Variants in FRMD4A observed in about 807,000 individuals in gnomAD.
The protein encoded by FRMD4A is FERM domain containing 4A, also known as FERM domain-containing protein 4A.
A neutral mutation model predicts 129.1 loss-of-function variants in FRMD4A; 29 were observed. The observed-to-expected ratio is 0.22, with a 90% CI of 0.17 to 0.31. The LOEUF (loss-of-function observed/expected upper bound fraction) is 0.31, where lower values mean the gene tolerates loss of function less well. Ranked by LOEUF, FRMD4A falls within the 10% of genes least tolerant of loss-of-function variation. The pLI is 1.00. For missense variants in FRMD4A, 1,272 were observed against 1,375.8 expected (o/e 0.92, Z 1.19); for synonymous variants, 634 against 571.6 (o/e 1.11, Z -1.56).
chr10:13,761,874 G>A (rs2092088077), intron 7 of FRMD4A, among the ~76,000 whole-genome samples: 1 of 152,174 alleles, frequency 6.6e-6, no homozygotes, highest in African/African-American at 2.4e-5. Context: ...CTAAACTCTA[G>A]AAACTTATAT....
chr10:14,224,791 C>T (rs1398888011), intron 2 of FRMD4A, among the ~76,000 whole-genome samples: 1 of 152,186 alleles, frequency 6.6e-6, no homozygotes, highest in Non-Finnish European at 1.5e-5. Context: ...AATTTCATTT[C>T]ACTGGCCTGA....
At chr10:13,762,503 TA>T (rs1564758690) in intron 7 of FRMD4A, 120 bp downstream of exon 7, 16 of 643,194 alleles carry the variant, frequency 2.5e-5, no homozygotes, top group South Asian at 3.9e-5. Flanking sequence ...AGCTTGTGGC[TA>T]AAAAAAGGTA....
intron 2 of FRMD4A, among the ~76,000 whole-genome samples, chr10:14,232,820 T>C (rs939551036): frequency 6.6e-6 from 1 of 152,246 alleles, no homozygotes. Context: ...TAAAAGCCTT[T>C]GGGCAGAGAC....
intron 6 of FRMD4A, among the ~76,000 whole-genome samples, chr10:13,779,319 G>GA (rs36067710): frequency 3.6e-4 from 52 of 144,832 alleles, no homozygotes; most frequent in African/African-American, 9.3e-4. Context: ...CCATCTCCAA[G>GA]AAAAAAAAAA....
At chr10:13,784,339 T>C (rs72769588) in intron 5 of FRMD4A, among the ~76,000 whole-genome samples, 2,764 of 152,280 alleles carry the variant, frequency 0.018, 29 homozygotes, top group Middle Eastern at 0.068. Flanking sequence ...AGTGGTTCTC[T>C]ACCTAAGAAG....
intron 2 of FRMD4A, among the ~76,000 whole-genome samples, chr10:14,155,893 T>C (rs997566614): frequency 1.3e-5 from 2 of 152,166 alleles, no homozygotes; most frequent in Admixed American, 1.3e-4. Context: ...TATACATAGA[T>C]ACAAATGCTA....
At chr10:13,954,003 G>A (rs1420332770) in intron 2 of FRMD4A, among the ~76,000 whole-genome samples, 1 of 152,176 alleles carries the variant, frequency 6.6e-6, no homozygotes, top group Non-Finnish European at 1.5e-5. Context: ...GCAGCAGCCG[G>A]TACTTATCCC....
intron 12 of FRMD4A, among the ~76,000 whole-genome samples, chr10:13,718,496 G>T (rs2089092476): frequency 2.0e-5 from 3 of 152,344 alleles, no homozygotes; most frequent in Admixed American, 2.0e-4. Context: ...TCTCTCTACG[G>T]ATCCTCTTGC....
At chr10:14,148,806 C>G (rs1035853965) in intron 2 of FRMD4A, among the ~76,000 whole-genome samples, 1 of 151,920 alleles carries the variant, frequency 6.6e-6, no homozygotes, top group African/African-American at 2.4e-5. Flanking sequence ...ATCTCCTCCA[C>G]CCTGTTTCCA....
At chr10:14,232,815 G>A (rs1843681234) in intron 2 of FRMD4A, among the ~76,000 whole-genome samples, 2 of 152,186 alleles carry the variant, frequency 1.3e-5, no homozygotes, top group African/African-American at 4.8e-5. Context: ...AGATCTAAAA[G>A]CCTTTGGGCA....
At position 14,154,609 on chromosome 10, in the gene FRMD4A, T is replaced by A. The variant is rs998492224; in HGVS notation, c.45+175449A>T. ...ATTTTAAATTAAATCCAAAAATACATAAAATTAACAACGTTCAAATTTATT... is the reference window on the plus strand; with the variant it reads ...ATTTTAAATTAAATCCAAAAATACAAAAAATTAACAACGTTCAAATTTATT... On this transcript the variant is annotated intron_variant, in intron 2 of 24. Coordinates refer to ENST00000357447, the MANE Select transcript of FRMD4A (RefSeq NM_018027.5). Among the ~76,000 whole-genome samples, 3 of 152,218 alleles carry A rather than the reference T, an allele frequency of 2.0e-5. No homozygotes were observed. In the East Asian group the frequency reaches 5.8e-4, roughly 29 times the overall value.
chr10:14,261,064 AT>A (rs1844784252), intron 2 of FRMD4A, among the ~76,000 whole-genome samples: 1 of 152,112 alleles, frequency 6.6e-6, no homozygotes, highest in African/African-American at 2.4e-5. Context: ...CAATAAACAT[AT>A]GGGACTGAGA....
chr10:13,707,041 G>A lies in FRMD4A; in HGVS notation c.832C>T (p.Arg278Cys), dbSNP rs752719539. 11 of 1,550,380 alleles carry A rather than the reference G, an allele frequency of 7.1e-6. No homozygotes were observed. The South Asian group carries it at 1.0e-4, about 14-fold the overall frequency. ...AAAAGGACTTTTCAAGCTTACCTGCGTGGGTCATGAACTTCCACGGAAAAC... is the reference window on the plus strand; with the variant it reads ...AAAAGGACTTTTCAAGCTTACCTGCATGGGTCATGAACTTCCACGGAAAAC... ...KKFSVEVHDP[R>C]RASVTRRTFG... Residue 278 changes from arginine (R) to cysteine (C), a missense_variant, in exon 13 of 25, where the codon CGC becomes TGC. Around this residue, in one of 2 missense-constraint regions of FRMD4A, gnomAD observed 300 missense variants for 483.6 expected, o/e 0.62. Transcript: ENST00000357447.
At chr10:13,680,110 C>T (rs2084409342) in intron 15 of FRMD4A, among the ~76,000 whole-genome samples, 1 of 152,296 alleles carries the variant, frequency 6.6e-6, no homozygotes, top group Non-Finnish European at 1.5e-5. Flanking sequence ...CAGAATGACT[C>T]CAGGAAGAAA....
chr10:13,949,158 C>G (rs1019029514), intron 2 of FRMD4A, among the ~76,000 whole-genome samples: 1 of 151,756 alleles, frequency 6.6e-6, no homozygotes, highest in Non-Finnish European at 1.5e-5. Flanking sequence ...GACTGTGTAA[C>G]CACTTTTAAA....
At chr10:13,974,778 C>T (rs946658538) in intron 2 of FRMD4A, among the ~76,000 whole-genome samples, 17 of 152,134 alleles carry the variant, frequency 1.1e-4, no homozygotes, top group African/African-American at 3.4e-4. Context: ...CCACCCGCCT[C>T]GCTCTCCCAA....
At chr10:14,095,836 C>T (rs1042395805) in intron 2 of FRMD4A, among the ~76,000 whole-genome samples, 2 of 152,228 alleles carry the variant, frequency 1.3e-5, no homozygotes, top group African/African-American at 4.8e-5. Flanking sequence ...GGTGGGAGTC[C>T]CTTTCCAGGG....
At chr10:13,874,245 C>A (rs1227222846) in intron 2 of FRMD4A, among the ~76,000 whole-genome samples, 189 of 76,378 alleles carry the variant, frequency 2.5e-3, no homozygotes, top group East Asian at 4.7e-3. Context: ...GACACTGTCT[C>A]AAAAAAAAAA....
intron 2 of FRMD4A, among the ~76,000 whole-genome samples, chr10:14,201,132 G>A (rs4750486): frequency 0.98 from 149,774 of 152,274 alleles, 73,709 homozygotes; most frequent in Non-Finnish European, 1. Context: ...TACCAGCACC[G>A]GACAGCAGCC....
Sources: allele counts gnomAD v4.1 joint callset (sites outside exome capture counted in the v4.1 genomes callset), GRCh38; gene constraint gnomAD v4.1.1; regional missense constraint gnomAD v4.1.1; transcripts MANE v1.5; gene names NCBI Gene and HGNC (gene_info 2026-07-23, HGNC 2026-07-21).